The following CYP20A1 variants were observed in gnomAD, a reference collection of about 807,000 sequenced individuals.
CYP20A1 encodes the protein cytochrome P450 20A1.
Under a neutral mutation model 61.4 loss-of-function variants are expected in CYP20A1, and 61 were observed. The observed-to-expected ratio is 0.99, with a 90% CI of 0.81 to 1.23. The LOEUF (loss-of-function observed/expected upper bound fraction) is 1.23. Ranked by LOEUF, CYP20A1 falls within the 50% of genes most tolerant of loss-of-function variation. The pLI, the probability that CYP20A1 is intolerant of heterozygous loss-of-function variation, is 0.00. For synonymous variants in CYP20A1, 193 were observed against 188.2 expected (o/e 1.03, Z -0.21); for missense variants, 530 against 542.4 (o/e 0.98, Z 0.23).
chr2:203,284,605 T>C lies in CYP20A1; in HGVS notation c.851-1007T>C, dbSNP rs1022507934. 5.3e-5 allele frequency among the ~76,000 whole-genome samples: 8 copies of C among 152,278 alleles called. No individual in the cohort carries two copies. The East Asian group carries it at 1.3e-3, about 26-fold the overall frequency. ...AGCCAGTGATCTTCCCATTTTGGCGTTGAGATAAATTCGATATTCCATTTG... is the reference window on the plus strand; with the variant it reads ...AGCCAGTGATCTTCCCATTTTGGCGCTGAGATAAATTCGATATTCCATTTG... On this transcript the variant is annotated intron_variant, in intron 8 of 12. Transcript: ENST00000356079.
rs1213498665 is a variant in CYP20A1, at chr2:203,305,813, C to T, written c.*8905C>T. 6.6e-6 allele frequency among the ~76,000 whole-genome samples: 1 copy of T among 152,064 alleles called. No homozygotes were observed. Among genetic ancestry groups the T allele is most frequent in the Non-Finnish European group, 1.5e-5 (1 of 68,020 alleles). On this transcript the variant is annotated 3_prime_UTR_variant, in exon 13 of 13. Transcript: ENST00000356079. ...ATCTTTATTGCCGGTGTTCTGTGCA[C>T]ATAGAATAAAGGAAATTATTAATGT... is the stretch of plus-strand genomic sequence containing the variant.
Position 203,251,937 on chromosome 2 carries a change from A to T in CYP20A1, c.290-30A>T, listed in dbSNP as rs3731694. On this transcript the variant is annotated intron_variant, in intron 3 of 12. Coordinates refer to ENST00000356079, the MANE Select transcript of CYP20A1 (RefSeq NM_177538.3). The stretch of plus-strand genomic sequence containing the variant: ...GGTATCTTTTTGAGTGATTATTTTG[A>T]TACAGAAATATTTAATTTGTCTGTT... 783,713 of 1,492,940 alleles carry T rather than the reference A, an allele frequency of 0.52. 212,739 individuals carry two copies. The highest frequency in any genetic ancestry group is 0.62 in the Middle Eastern group (3,502 of 5,648). The allele number at this position is 1,492,940 out of a possible 1,614,324, so 92.5% of individuals were successfully genotyped here. A position where few individuals can be genotyped will look rare whatever the true frequency, so the allele number is the denominator to read the frequency against.
chr2:203,299,338 A>C lies in CYP20A1; in HGVS notation c.*2430A>C, dbSNP rs1470720879. Among the ~76,000 whole-genome samples the C allele has an allele frequency of 3.9e-5, 6 of 152,032 alleles. No individual in the cohort carries two copies. Among genetic ancestry groups the C allele is most frequent in the Non-Finnish European group, 7.4e-5 (5 of 67,980 alleles). ...TCTGGTAGACTGAGGCGGGAGGATCACTTGAGCCCAGGAGTTGGAGGCTTC... is the reference window on the plus strand; with the variant it reads ...TCTGGTAGACTGAGGCGGGAGGATCCCTTGAGCCCAGGAGTTGGAGGCTTC... On this transcript the variant is annotated 3_prime_UTR_variant, in exon 13 of 13. Transcript: ENST00000356079.
intron 6 of CYP20A1, among the ~76,000 whole-genome samples, chr2:203,276,959 T>C (rs919482344): frequency 1.3e-5 from 2 of 151,944 alleles, no homozygotes; most frequent in Non-Finnish European, 2.9e-5. Context: ...ATTCAAGAGA[T>C]TGAAAAAGAA....
In CYP20A1 at chr2:203,289,870, T is replaced by C. The variant is rs372309845; in HGVS notation, c.1077T>C (p.Pro359=). ...IEGKIDRFII[P]RETLVLYALG... ...GAAAAATTGACCGATTTATTATTCC[T>C]AGAGAGGTAGAAAACCTTTAATATG... The change falls in exon 10 of 13, where the codon CCT becomes CCC. Residue 359 remains proline, a synonymous_variant. Transcript: ENST00000356079. 6 of 1,521,008 alleles carry C rather than the reference T, an allele frequency of 3.9e-6. No individual in the cohort carries two copies. Among genetic ancestry groups the C allele is most frequent in the Non-Finnish European group, 5.4e-6 (6 of 1,105,672 alleles). 94.2% of individuals were successfully genotyped at this position (1,521,008 alleles called of 1,614,324 possible). A position where few individuals can be genotyped will look rare whatever the true frequency, so the allele number is the denominator to read the frequency against.
intron 4 of CYP20A1, among the ~76,000 whole-genome samples, chr2:203,261,038 G>C (rs1402224901): frequency 6.6e-6 from 1 of 151,792 alleles, no homozygotes; most frequent in Non-Finnish European, 1.5e-5. Context: ...TTGGGAGAGA[G>C]AAGGCATATA....
chr2:203,239,550 C>G (rs2066172896), intron 1 of CYP20A1, among the ~76,000 whole-genome samples: 1 of 152,224 alleles, frequency 6.6e-6, no homozygotes, highest in African/African-American at 2.4e-5. Flanking sequence ...CCACTCCTTT[C>G]TCCTTTCTTG....
At position 203,304,579 on chromosome 2, in the gene CYP20A1, C is replaced by A. The variant is rs2069150260; in HGVS notation, c.*7671C>A. Among the ~76,000 whole-genome samples the A allele has an allele frequency of 6.6e-6, 1 of 152,190 alleles. No homozygotes were observed. The highest frequency in any genetic ancestry group is 6.5e-5 in the Admixed American group (1 of 15,268). Reference sequence around the variant, plus strand: ...ACTGTTTATATTTTTCCCTGTTCCACATACATACATTTTTACATAGTACGT... The same window carrying A: ...ACTGTTTATATTTTTCCCTGTTCCAAATACATACATTTTTACATAGTACGT... On this transcript the variant is annotated 3_prime_UTR_variant, in exon 13 of 13. Coordinates refer to ENST00000356079, the MANE Select transcript of CYP20A1 (RefSeq NM_177538.3).
At chr2:203,288,092 G>T (rs1463482600) in intron 9 of CYP20A1, among the ~76,000 whole-genome samples, 3 of 98,746 alleles carry the variant, frequency 3.0e-5, no homozygotes, top group African/African-American at 7.9e-5. Flanking sequence ...TTCAGATGCA[G>T]TCCCTTTCTG....
chr2:203,289,169 C>G (rs1311039441), intron 9 of CYP20A1, among the ~76,000 whole-genome samples: 7 of 152,126 alleles, frequency 4.6e-5, no homozygotes, highest in Non-Finnish European at 8.8e-5. Flanking sequence ...GATTGGCAAT[C>G]TTTAAGTTGT....
At chr2:203,285,529 C>T in intron 8 of CYP20A1, 83 bp from the exon 9 acceptor site, 2 of 1,388,748 alleles carry the variant, frequency 1.4e-6, no homozygotes, top group South Asian at 2.0e-5. Flanking sequence ...AAATCCCACC[C>T]TAAATAAGTA....
Position 203,305,745 on chromosome 2 carries a change from C to T in CYP20A1, c.*8837C>T, listed in dbSNP as rs956669397. 6.6e-6 allele frequency: 1 copy of T among 151,930 alleles called. No individual in the cohort carries two copies. Among genetic ancestry groups the T allele is most frequent in the Admixed American group, 6.6e-5 (1 of 15,230 alleles). 9.4% of individuals were successfully genotyped at this position (151,930 alleles called of 1,614,324 possible). ...GTCATAAAGTCATAAAGTACCTGTC[C>T]CCAAAAAGGCAACCAGTAAATATTT... On this transcript the variant is annotated 3_prime_UTR_variant, in exon 13 of 13. Coordinates refer to ENST00000356079, the MANE Select transcript of CYP20A1 (RefSeq NM_177538.3).
At chr2:203,288,346 A>G (rs942176460) in intron 9 of CYP20A1, among the ~76,000 whole-genome samples, 2 of 150,708 alleles carry the variant, frequency 1.3e-5, no homozygotes, top group African/African-American at 4.9e-5. Flanking sequence ...GATTACAGAC[A>G]TGTGCCACCA....
At chr2:203,273,742 G>A (rs555205406) in intron 6 of CYP20A1, among the ~76,000 whole-genome samples, 1 of 152,088 alleles carries the variant, frequency 6.6e-6, no homozygotes, top group Non-Finnish European at 1.5e-5. Flanking sequence ...CCAGGAGTTC[G>A]AGACCAATCT....
chr2:203,241,548 C>T (rs1026547573), intron 1 of CYP20A1, among the ~76,000 whole-genome samples: 1 of 152,170 alleles, frequency 6.6e-6, no homozygotes, highest in Non-Finnish European at 1.5e-5. Context: ...GAAGGAGCAG[C>T]CACACAAATA....
chr2:203,269,370 T>A (rs1240673118), intron 5 of CYP20A1, among the ~76,000 whole-genome samples: 1 of 151,062 alleles, frequency 6.6e-6, no homozygotes, highest in African/African-American at 2.4e-5. Context: ...GGAGGATCAC[T>A]TGAGCCCAGG....
intron 1 of CYP20A1, among the ~76,000 whole-genome samples, chr2:203,244,576 A>G (rs1405633000): frequency 6.6e-6 from 1 of 150,444 alleles, no homozygotes; most frequent in South Asian, 2.1e-4. Context: ...TTTTTTTTTT[A>G]AAGCCAAACC....
intron 8 of CYP20A1, among the ~76,000 whole-genome samples, chr2:203,281,481 C>G (rs1316338808): frequency 1.3e-5 from 2 of 152,042 alleles, no homozygotes; most frequent in Admixed American, 1.3e-4. Context: ...TGGACTGCAG[C>G]CTGGGTGACA....
In CYP20A1 at chr2:203,281,787, C is replaced by T. The variant is rs553491746; in HGVS notation, c.850+1674C>T. 2.6e-5 allele frequency among the ~76,000 whole-genome samples: 4 copies of T among 151,568 alleles called. No individual in the cohort carries two copies. In the East Asian group the frequency reaches 5.8e-4, roughly 22 times the overall value. The stretch of plus-strand genomic sequence containing the variant: ...CTGCACTCCAGCCTGGGTGACAGAG[C>T]GACACTCTGTCTCAAAAAAAAACAA... On this transcript the variant is annotated intron_variant, in intron 8 of 12. Transcript: ENST00000356079.
Sources: gnomAD v4.1 joint callset for allele counts (sites outside exome capture counted in the v4.1 genomes callset) on GRCh38, gnomAD v4.1.1 for gene constraint, MANE v1.5 for transcripts, NCBI Gene and HGNC (gene_info 2026-07-23, HGNC 2026-07-21) for gene names.